Variants in GLT1D1 observed in about 807,000 individuals in gnomAD.
The protein encoded by GLT1D1 is glycosyltransferase 1 domain-containing protein 1.
A neutral mutation model predicts 28.7 loss-of-function variants in GLT1D1; 21 were observed. The ratio of observed to expected loss-of-function variants is 0.73; its 90% confidence interval spans 0.52 to 1.05. The LOEUF is 1.05. GLT1D1 is among the 50% of genes least tolerant of loss of function. The probability of loss-of-function intolerance (pLI) is 0.00; values close to 1 mark genes in which losing one functional copy is unlikely to be tolerated. For synonymous variants in GLT1D1, 147 were observed against 124.8 expected (o/e 1.18, Z -1.19); for missense variants, 343 against 330.6 (o/e 1.04, Z -0.29).
intron 7 of GLT1D1, among the ~76,000 whole-genome samples, chr12:128,967,728 G>A (rs946206248): frequency 2.6e-5 from 4 of 152,224 alleles, no homozygotes; most frequent in Non-Finnish European, 5.9e-5. Context: ...TACGGATTTG[G>A]GGAGGCCACT....
At chr12:128,966,769 G>T (rs1253345414) in intron 7 of GLT1D1, among the ~76,000 whole-genome samples, 1 of 144,952 alleles carries the variant, frequency 6.9e-6, no homozygotes, top group Non-Finnish European at 1.5e-5. Flanking sequence ...ACAGCCTACT[G>T]AACTGAATAA....
chr12:128,971,333 C>CAT (rs1879028404), intron 7 of GLT1D1, among the ~76,000 whole-genome samples: 2 of 119,618 alleles, frequency 1.7e-5, no homozygotes, highest in Admixed American at 9.5e-5. Context: ...CTCCTTTCTT[C>CAT]CTCCCTCCTT....
In GLT1D1 at chr12:128,964,809, A is replaced by C. The variant is rs142112204; in HGVS notation, c.639+7166A>C. On this transcript the variant is annotated intron_variant, in intron 7 of 7. Transcript: ENST00000281703. ...TGTGCAGGGTGAGGTTTAAGGAAGG[A>C]AGGGACGTTGAGCTGGGCTTCAAAG... Among the ~76,000 whole-genome samples the C allele has an allele frequency of 2.2e-3, 341 of 152,320 alleles. 1 individual carries two copies. The highest frequency in any genetic ancestry group is 3.6e-3 in the Non-Finnish European group (242 of 68,030).
rs566257539 is a variant in GLT1D1, at chr12:128,920,486, G to A, written c.375+21199G>A. ...GGAGAATTGCTTGGACCTGGGAGGC[G>A]GAGGTTGCAGTGAGGTGAGATTGCG... On this transcript the variant is annotated intron_variant, in intron 4 of 7. Transcript: ENST00000281703. Among the ~76,000 whole-genome samples, 16 of 152,238 alleles carry A rather than the reference G, an allele frequency of 1.1e-4. No individual in the cohort carries two copies. In the South Asian group the frequency reaches 2.5e-3, roughly 24 times the overall value.
At chr12:128,874,497 T>G (rs1338429714) in intron 1 of GLT1D1, among the ~76,000 whole-genome samples, 50 of 148,498 alleles carry the variant, frequency 3.4e-4, no homozygotes, top group African/African-American at 1.2e-3. Context: ...TTTTTTTTTT[T>G]TTTGAGACAG....
chr12:128,956,829 T>C (rs1002683311), intron 6 of GLT1D1, among the ~76,000 whole-genome samples: 1 of 152,230 alleles, frequency 6.6e-6, no homozygotes, highest in Non-Finnish European at 1.5e-5. Context: ...AGTTGCAAAA[T>C]TGTCCCGCTG....
At chr12:128,944,807 T>C in intron 4 of GLT1D1, 1 of 161,040 alleles carries the variant, frequency 6.2e-6, no homozygotes. Context: ...TATATATATG[T>C]ATATATATAT....
Position 128,853,540 on chromosome 12 carries a change from G to T in GLT1D1, c.-42G>T. On this transcript the variant is annotated 5_prime_UTR_variant, in exon 1 of 8. Transcript: ENST00000281703. ...CTGCGCCGGCCCCGGGGCCTGGTCG[G>T]CGGCGGCGGGGCCGGTCGATGGCCC... 2 of 1,034,546 alleles carry T rather than the reference G, an allele frequency of 1.9e-6. No homozygotes were observed. The highest frequency in any genetic ancestry group is 2.3e-6 in the Non-Finnish European group (2 of 866,084). 64.1% of individuals were successfully genotyped at this position (1,034,546 alleles called of 1,614,324 possible). A position where few individuals can be genotyped will look rare whatever the true frequency, so the allele number is the denominator to read the frequency against.
In GLT1D1 at chr12:128,893,218, C is replaced by A. The variant is rs1869260150; in HGVS notation, c.323+4474C>A. 2.6e-5 allele frequency among the ~76,000 whole-genome samples: 4 copies of A among 152,026 alleles called. No homozygotes were observed. In the South Asian group the frequency reaches 8.3e-4, roughly 32 times the overall value. On this transcript the variant is annotated intron_variant, in intron 3 of 7. Transcript: ENST00000281703. ...TGAGATCTCGCCATTGCACTGCAGC[C>A]TGGGTGAAAGAGGGAGACTCTGTCT...
At chr12:128,908,708 G>A (rs1250691765) in intron 4 of GLT1D1, among the ~76,000 whole-genome samples, 1 of 151,938 alleles carries the variant, frequency 6.6e-6, no homozygotes, top group African/African-American at 2.4e-5. Flanking sequence ...CCAGCACTTT[G>A]GGAGGCCGAG....
intron 7 of GLT1D1, among the ~76,000 whole-genome samples, chr12:128,966,774 G>C (rs1205355654): frequency 1.6e-5 from 2 of 125,362 alleles, no homozygotes; most frequent in Admixed American, 1.9e-4. Flanking sequence ...CTACTGAACT[G>C]AATAAAAAGC....
chr12:128,958,706 C>T (rs567801253), intron 7 of GLT1D1, among the ~76,000 whole-genome samples: 58 of 121,310 alleles, frequency 4.8e-4, no homozygotes, highest in South Asian at 8.5e-4. Context: ...ACCAAGATCA[C>T]GCCACTGCAC....
At chr12:128,892,035 A>G (rs1337725005) in intron 3 of GLT1D1, among the ~76,000 whole-genome samples, 4 of 152,318 alleles carry the variant, frequency 2.6e-5, no homozygotes, top group African/African-American at 9.6e-5. Flanking sequence ...AGGAAGACTC[A>G]AAGCAGGGAG....
intron 4 of GLT1D1, among the ~76,000 whole-genome samples, chr12:128,904,922 C>G (rs1043171513): frequency 9.9e-5 from 15 of 152,192 alleles, no homozygotes; most frequent in African/African-American, 2.9e-4. Context: ...GTGACTGCCA[C>G]TATGCCTGGC....
In GLT1D1 at chr12:128,984,300, T is replaced by C. The variant is rs1880594428; in HGVS notation, c.*1210T>C. On this transcript the variant is annotated 3_prime_UTR_variant, in exon 8 of 8. Coordinates refer to ENST00000281703, the MANE Select transcript of GLT1D1 (RefSeq NM_144669.3). ...ATTGTCCTTGCTTCAAGTTTTAGGA[T>C]GTCTGAACTTTCAGCTTTCATGTTT... The C allele has an allele frequency of 6.6e-6, 1 of 152,078 alleles. No homozygotes were observed. Among genetic ancestry groups the C allele is most frequent in the African/African-American group, 2.4e-5 (1 of 41,406 alleles). The allele number at this position is 152,078 out of a possible 1,614,324, so 9.4% of individuals were successfully genotyped here.
intron 4 of GLT1D1, among the ~76,000 whole-genome samples, chr12:128,929,933 G>A (rs192433066): frequency 3.0e-4 from 46 of 152,294 alleles, no homozygotes; most frequent in South Asian, 1.9e-3. Context: ...CCAAGATTGC[G>A]CCACTGCACT....
At chr12:128,959,701 G>A (rs1205222178) in intron 7 of GLT1D1, among the ~76,000 whole-genome samples, 1 of 152,156 alleles carries the variant, frequency 6.6e-6, no homozygotes, top group Admixed American at 6.5e-5. Flanking sequence ...AGAGTTTTCA[G>A]TAGTTACTTG....
rs111372997 is a variant in GLT1D1, at chr12:128,881,945, A to T, written c.217+5883A>T. Among the ~76,000 whole-genome samples, 793 of 152,070 alleles carry T rather than the reference A, an allele frequency of 5.2e-3. 4 individuals are homozygous for T. The highest frequency in any genetic ancestry group is 0.018 in the African/African-American group (747 of 41,498). On this transcript the variant is annotated intron_variant, in intron 2 of 7. Transcript: ENST00000281703. ...CCCCTCAGTTTTAAACAATATCATG[A>T]TGAACAGCCTTCTGCATAAACCTTT...
chr12:128,922,786 G>A (rs1366459549), intron 4 of GLT1D1, among the ~76,000 whole-genome samples: 1 of 152,064 alleles, frequency 6.6e-6, no homozygotes, highest in East Asian at 1.9e-4. Flanking sequence ...AGCCGGGCAT[G>A]ATGGCCTGTG....
Sources: gnomAD v4.1 joint callset for allele counts (sites outside exome capture counted in the v4.1 genomes callset) on GRCh38, gnomAD v4.1.1 for gene constraint, MANE v1.5 for transcripts, NCBI Gene and HGNC (gene_info 2026-07-23, HGNC 2026-07-21) for gene names.